CROCC: variants seen among roughly 807,000 people sequenced by gnomAD.
CROCC encodes the protein rootletin.
Under a neutral mutation model 245.2 loss-of-function variants are expected in CROCC, and 180 were observed. The observed-to-expected ratio is 0.73, with a 90% CI of 0.65 to 0.83. CROCC has a LOEUF of 0.83. Ranked by LOEUF, CROCC falls within the 40% of genes least tolerant of loss-of-function variation. The pLI, the probability that CROCC is intolerant of heterozygous loss-of-function variation, is 0.00. For missense variants in CROCC, 2,688 were observed against 2,779.4 expected, an observed-to-expected ratio of 0.97 and a Z score of 0.74; for synonymous variants, 1,205 against 1,241.6, an observed-to-expected ratio of 0.97 and a Z score of 0.62.
chr1:16,946,828 G>C lies in CROCC; in HGVS notation c.2351G>C (p.Arg784Pro), dbSNP rs748252732. The change falls in exon 17 of 37, where the codon CGG becomes CCG. Residue 784 changes from arginine (R) to proline (P), a missense_variant. Arg to Pro is a moderately radical substitution (Grantham distance 103). Around this residue, in one of 9 missense-constraint regions of CROCC, gnomAD observed 295 missense variants for 241.7 expected, o/e 1.22. Coordinates refer to ENST00000375541, the MANE Select transcript of CROCC (RefSeq NM_014675.5). Reference protein sequence around the residue: ...RQAEQEATVAREEQERLEELR... With the variant: ...RQAEQEATVAPEEQERLEELR... Reference sequence around the variant, plus strand: ...GCAGAGCAGGAGGCCACAGTGGCGCGGGAAGAGCAGGAACGGCTAGAGGAG... The same window carrying C: ...GCAGAGCAGGAGGCCACAGTGGCGCCGGAAGAGCAGGAACGGCTAGAGGAG... 14 of 1,553,544 alleles carry C rather than the reference G, an allele frequency of 9.0e-6. No individual in the cohort carries two copies. Among genetic ancestry groups the C allele is most frequent in the East Asian group, 2.4e-5 (1 of 41,190 alleles).
At chr1:16,937,775 A>T (rs1194007285) in intron 10 of CROCC, 38 bp downstream of exon 10, 1 of 1,544,104 alleles carries the variant, frequency 6.5e-7, no homozygotes, top group Admixed American at 1.7e-5. Context: ...GCAGGGTGAG[A>T]TGGGGTACCG....
chr1:16,921,842 T>G, upstream of CROCC: 2 of 628,272 alleles, frequency 3.2e-6, no homozygotes, highest in South Asian at 4.1e-5. Flanking sequence ...TCCCATCCCC[T>G]CCCTCCTCAG....
chr1:16,921,203 A>G (rs1239342632), upstream of CROCC, among the ~76,000 whole-genome samples: 1 of 152,238 alleles, frequency 6.6e-6, no homozygotes, highest in Admixed American at 6.5e-5. Flanking sequence ...ATCACATCTT[A>G]CGTAAGAGGA....
At chr1:16,932,851 A>G (rs1400244353) in intron 8 of CROCC, among the ~76,000 whole-genome samples, 1 of 152,292 alleles carries the variant, frequency 6.6e-6, no homozygotes, top group African/African-American at 2.4e-5. Flanking sequence ...CGTTAAAAAC[A>G]TTTTAGTTAG....
At chr1:16,914,266 C>G (rs1330066524) in intron 1 of CROCC, among the ~76,000 whole-genome samples, 2 of 152,144 alleles carry the variant, frequency 1.3e-5, no homozygotes, top group Non-Finnish European at 2.9e-5. Context: ...CCGCGACTGC[C>G]GCGGCCCGGC....
At chr1:16,927,247 C>G (rs544153565) in intron 3 of CROCC, among the ~76,000 whole-genome samples, 1 of 152,378 alleles carries the variant, frequency 6.6e-6, no homozygotes, top group South Asian at 2.1e-4. Context: ...CCCACACAGG[C>G]ACAGAACAGT....
rs764091831 is a variant in CROCC at position 16,953,302 on chromosome 1, G to A, written c.3007G>A (p.Glu1003Lys). Reference protein sequence around the residue: ...EDLQRLQREKEAAWRELEAER... With the variant: ...EDLQRLQREKKAAWRELEAER... ...CAGGCATCCGGTCCTGGCCCCCTAG[G>A]AGGCAGCATGGCGGGAGCTGGAGGC... Residue 1003 changes from glutamate to lysine, a missense_variant and splice_region_variant, in exon 21 of 37, where the codon GAG becomes AAG. This residue lies in a region of CROCC where 106 missense variants were observed against 126.1 expected (regional missense o/e 0.84). Coordinates refer to ENST00000375541, the MANE Select transcript of CROCC (RefSeq NM_014675.5). The A allele has an allele frequency of 1.9e-6, 3 of 1,581,166 alleles. No individual in the cohort carries two copies. Among genetic ancestry groups the A allele is most frequent in the Middle Eastern group, 4.6e-4 (2 of 4,394 alleles).
chr1:16,951,163 G>T (rs1297197871), intron 20 of CROCC, 41 bp downstream of exon 20: 10 of 1,420,598 alleles, frequency 7.0e-6, no homozygotes, highest in Non-Finnish European at 9.3e-6. Context: ...CTCTGAGCCA[G>T]TGTTTCATCA....
intron 15 of CROCC, among the ~76,000 whole-genome samples, 158 bp downstream of exon 15, chr1:16,945,764 G>A (rs1570654887): frequency 6.6e-6 from 1 of 152,398 alleles, no homozygotes; most frequent in East Asian, 1.9e-4. Context: ...TTTGTCACAG[G>A]CCACAGACCT....
chr1:16,969,836 A>G lies in CROCC; in HGVS notation c.5353A>G (p.Ser1785Gly). 1.2e-6 allele frequency: 2 copies of G among 1,613,368 alleles called. No homozygotes were observed. The highest frequency in any genetic ancestry group is 1.7e-6 in the Non-Finnish European group (2 of 1,179,734). ...QALSEARKQSSSLGEQVQTLR... is the reference protein window; with the variant it reads ...QALSEARKQSGSLGEQVQTLR... The stretch of plus-strand genomic sequence containing the variant: ...ATTATCTGAGGCACGGAAGCAGAGC[A>G]GCTCCCTGGGCGAGCAGGTGCAGAC... The change falls in exon 33 of 37, where the codon AGC becomes GGC. Residue 1785 changes from serine (S) to glycine (G), a missense_variant. By Grantham distance (56) the Ser-to-Gly change is moderately conservative. This residue lies in a region of CROCC where 1,218 missense variants were observed against 1,286.3 expected (regional missense o/e 0.95). Transcript: ENST00000375541.
At chr1:16,934,186 C>T (rs1162436824) in intron 8 of CROCC, among the ~76,000 whole-genome samples, 1 of 152,246 alleles carries the variant, frequency 6.6e-6, no homozygotes, top group African/African-American at 2.4e-5. Context: ...CATTTAGTCA[C>T]TCCTGTGTAT....
At position 16,944,259 on chromosome 1, in the gene CROCC, G is replaced by C. The variant is rs746869011; in HGVS notation, c.1968G>C (p.Arg656=). 1.3e-6 allele frequency: 2 copies of C among 1,544,934 alleles called. No individual in the cohort carries two copies. Among genetic ancestry groups the C allele is most frequent in the African/African-American group, 1.4e-5 (1 of 73,150 alleles). Residue 656 remains arginine, a synonymous_variant, in exon 14 of 37, where the codon CGG becomes CGC. Coordinates refer to ENST00000375541, the MANE Select transcript of CROCC (RefSeq NM_014675.5). The part of the protein sequence containing the change: ...EQEDAVQDGA[R]VRRELERSHR... ...AGGACGCAGTGCAGGATGGCGCGCG[G>C]GTGCGCCGGGAGCTTGAGCGCAGGT...
intron 8 of CROCC, among the ~76,000 whole-genome samples, chr1:16,932,217 G>A (rs2075692948): frequency 2.0e-5 from 3 of 152,278 alleles, no homozygotes; most frequent in Non-Finnish European, 1.5e-5. Flanking sequence ...GCCGAGGCGG[G>A]TGGATCACCT....
At chr1:16,946,128 T>A in intron 15 of CROCC, 131 bp from the exon 16 acceptor site, 2 of 1,059,512 alleles carry the variant, frequency 1.9e-6, no homozygotes, top group Non-Finnish European at 1.3e-6. Context: ...TTTTTCCATC[T>A]CACACTGTGT....
intron 33 of CROCC, 21 bp from the exon 34 acceptor site, chr1:16,970,232 C>T (rs1287859128): frequency 4.6e-6 from 7 of 1,528,680 alleles, no homozygotes; most frequent in Non-Finnish European, 6.2e-6. Flanking sequence ...GGATTCGGGG[C>T]CTGCCTGGCT....
Position 16,946,876 on chromosome 1 carries a change from C to T in CROCC, c.2399C>T (p.Ala800Val), listed in dbSNP as rs41267493. 2.7e-3 allele frequency: 4,261 copies of T among 1,559,920 alleles called. 4 individuals carry two copies. The highest frequency in any genetic ancestry group is 6.7e-3 in the South Asian group (564 of 84,568). Residue 800 changes from alanine (A) to valine (V), a missense_variant, in exon 17 of 37, where the codon GCG becomes GTG. By Grantham distance (64) the Ala-to-Val change is moderately conservative (BLOSUM62 0). Transcript: ENST00000375541. Reference protein sequence around the residue: ...LEELRLEQEVARQGLEGSLRV... With the variant: ...LEELRLEQEVVRQGLEGSLRV... Reference sequence around the variant, plus strand: ...GAGCTGCGGTTGGAGCAGGAGGTGGCGCGGCAGGGCCTGGAGGGCTCCCTA... The same window carrying T: ...GAGCTGCGGTTGGAGCAGGAGGTGGTGCGGCAGGGCCTGGAGGGCTCCCTA...
Position 16,966,212 on chromosome 1 carries a change from C to T in CROCC, c.4696+93C>T, listed in dbSNP as rs1357365326. The stretch of plus-strand genomic sequence containing the variant: ...GATTGGCCTCTGACCTTGCCGTGGC[C>T]CCCATGACCTGACTCGGGGCTGTCT... On this transcript the variant is annotated intron_variant, in intron 29 of 36. Coordinates refer to ENST00000375541, the MANE Select transcript of CROCC (RefSeq NM_014675.5). The surrounding 1 kb of genome is among the most constrained non-coding windows in gnomAD (Gnocchi z 4.8). 4 of 1,518,848 alleles carry T rather than the reference C, an allele frequency of 2.6e-6. No homozygotes were observed. Among genetic ancestry groups the T allele is most frequent in the Non-Finnish European group, 3.5e-6 (4 of 1,129,524 alleles). The allele number at this position is 1,518,848 out of a possible 1,614,324, so 94.1% of individuals were successfully genotyped here. A position where few individuals can be genotyped will look rare whatever the true frequency, so the allele number is the denominator to read the frequency against.
At chr1:16,952,025 G>A (rs903860541) in intron 20 of CROCC, 1 of 152,008 alleles carries the variant, frequency 6.6e-6, no homozygotes, top group Non-Finnish European at 1.5e-5. Flanking sequence ...CTGAGTAGCT[G>A]GGATTATAGG....
At chr1:16,971,055 T>G (rs1284895771) in intron 35 of CROCC, 3 of 448,322 alleles carry the variant, frequency 6.7e-6, no homozygotes, top group Non-Finnish European at 1.2e-5. Flanking sequence ...ATGAATCTTG[T>G]GCATGGTGTG....
Sources: allele counts gnomAD v4.1 joint callset (sites outside exome capture counted in the v4.1 genomes callset), GRCh38; gene constraint gnomAD v4.1.1; regional missense constraint gnomAD v4.1.1; non-coding constraint Gnocchi (gnomAD v3.1); transcripts MANE v1.5; gene names NCBI Gene and HGNC (gene_info 2026-07-23, HGNC 2026-07-21).